PPFIA2: variants seen among roughly 807,000 people sequenced by gnomAD.
PPFIA2 encodes the protein PPFI scaffold protein A2.
A neutral mutation model predicts 175.5 loss-of-function variants in PPFIA2; 46 were observed. That is an observed-to-expected ratio of 0.26 (90% CI 0.21 to 0.34). The LOEUF (loss-of-function observed/expected upper bound fraction) is 0.34, where lower values mean the gene tolerates loss of function less well. Ranked by LOEUF, PPFIA2 falls within the 10% of genes least tolerant of loss-of-function variation. The pLI is 1.00. For synonymous variants in PPFIA2, 568 were observed against 511.4 expected (o/e 1.11, Z -1.49); for missense variants, 1,179 against 1,506.1 (o/e 0.78, Z 3.60).
At chr12:81,465,410 C>G (rs769421684) in intron 4 of PPFIA2, 12 of 152,034 alleles carry the variant, frequency 7.9e-5, no homozygotes, top group Non-Finnish European at 1.6e-4. Flanking sequence ...TTGTGCAAAT[C>G]AAAAATAGCG....
chr12:81,590,282 C>A (rs919909869), intron 4 of PPFIA2, among the ~76,000 whole-genome samples: 1 of 151,996 alleles, frequency 6.6e-6, no homozygotes, highest in Non-Finnish European at 1.5e-5. Context: ...AATTTATCTA[C>A]CATAAGAAGT....
intron 4 of PPFIA2, among the ~76,000 whole-genome samples, chr12:81,458,232 TA>T (rs2053913378): frequency 6.6e-6 from 1 of 152,196 alleles, no homozygotes; most frequent in African/African-American, 2.4e-5. Context: ...CAGCAATGTT[TA>T]TACAGAGTAC....
At chr12:81,441,566 A>C (rs1199779081) in intron 6 of PPFIA2, among the ~76,000 whole-genome samples, 3 of 152,120 alleles carry the variant, frequency 2.0e-5, no homozygotes, top group African/African-American at 7.2e-5. Context: ...AATGCTGATT[A>C]ATAACCAAAC....
chr12:81,581,998 G>A (rs1030826063), intron 4 of PPFIA2, among the ~76,000 whole-genome samples: 20 of 151,714 alleles, frequency 1.3e-4, no homozygotes, highest in African/African-American at 4.8e-4. Context: ...GCATATTAAC[G>A]TTTCAAGTTT....
intron 9 of PPFIA2, among the ~76,000 whole-genome samples, chr12:81,383,508 C>A (rs1595880047): frequency 6.6e-6 from 1 of 151,702 alleles, no homozygotes; most frequent in Non-Finnish European, 1.5e-5. Flanking sequence ...CTAAAGTACT[C>A]ATTTTTTTAA....
chr12:81,420,317 G>A (rs2143679784), intron 7 of PPFIA2, among the ~76,000 whole-genome samples: 1 of 152,226 alleles, frequency 6.6e-6, no homozygotes, highest in East Asian at 1.9e-4. Context: ...TAATTTTCTA[G>A]TAACTGACCA....
chr12:81,475,744 C>T (rs1453732253), intron 4 of PPFIA2, among the ~76,000 whole-genome samples: 1 of 152,124 alleles, frequency 6.6e-6, no homozygotes, highest in East Asian at 1.9e-4. Context: ...GACGAGTCTC[C>T]TTCTGTCGCC....
intron 4 of PPFIA2, among the ~76,000 whole-genome samples, chr12:81,471,982 G>A (rs1593510682): frequency 1.3e-5 from 2 of 152,122 alleles, no homozygotes; most frequent in Admixed American, 1.3e-4. Flanking sequence ...TATATGAAGA[G>A]TTTTTTTAAA....
chr12:81,521,704 C>A (rs1406341766), intron 4 of PPFIA2, among the ~76,000 whole-genome samples: 1 of 150,728 alleles, frequency 6.6e-6, no homozygotes, highest in African/African-American at 2.4e-5. Flanking sequence ...CCTGTAGTCC[C>A]AGCTACTCCG....
At chr12:81,636,329 G>T (rs1181589516) in intron 4 of PPFIA2, among the ~76,000 whole-genome samples, 10 of 148,242 alleles carry the variant, frequency 6.7e-5, no homozygotes, top group Non-Finnish European at 1.5e-4. Flanking sequence ...GCAGTGGCGG[G>T]ATCTCGGCTC....
At chr12:81,708,776 T>G (rs925475011) in intron 3 of PPFIA2, among the ~76,000 whole-genome samples, 1 of 152,158 alleles carries the variant, frequency 6.6e-6, no homozygotes, top group African/African-American at 2.4e-5. Flanking sequence ...ACATAATCAC[T>G]GGGCCCTTAA....
chr12:81,547,478 C>T lies in PPFIA2; in HGVS notation c.304-89612G>A, dbSNP rs139335722. 1.5e-3 allele frequency among the ~76,000 whole-genome samples: 235 copies of T among 152,056 alleles called. 1 individual carries two copies. The highest frequency in any genetic ancestry group is 5.1e-3 in the African/African-American group (213 of 41,484). On this transcript the variant is annotated intron_variant, in intron 4 of 32. Coordinates refer to ENST00000549396, the MANE Select transcript of PPFIA2 (RefSeq NM_003625.5). ...GCAACCTCTGCCTCCCTGGTTCAAG[C>T]GATTCTCCTGCCTCAGGTTCCTGAG...
intron 30 of PPFIA2, among the ~76,000 whole-genome samples, chr12:81,263,810 T>C (rs1230200244): frequency 1.3e-5 from 2 of 152,222 alleles, no homozygotes; most frequent in African/African-American, 4.8e-5. Flanking sequence ...ATGACTTCTA[T>C]GTACACAAAT....
chr12:81,481,389 T>G (rs2058199507), intron 4 of PPFIA2, among the ~76,000 whole-genome samples: 1 of 152,058 alleles, frequency 6.6e-6, no homozygotes, highest in Admixed American at 6.6e-5. Flanking sequence ...TAGAAAAAAC[T>G]ACTTTAAATT....
chr12:81,374,685 G>A lies in PPFIA2; in HGVS notation c.1215C>T (p.Thr405=). 1 of 1,613,374 alleles carries A rather than the reference G, an allele frequency of 6.2e-7. No homozygotes were observed. The highest frequency in any genetic ancestry group is 1.7e-4 in the Middle Eastern group (1 of 6,054). ...CCAGTTCAGCCTCTACTTCAGGCAA[G>A]GTTTCAGCCTTTCTCATGGTCTGCT... is the stretch of plus-strand genomic sequence containing the variant. ...KLQQTMRKAE[T]LPEVEAELAQ... is the part of the protein sequence containing the mutation. The change falls in exon 11 of 33, where the codon ACC becomes ACT. Residue 405 remains threonine, a synonymous_variant. Coordinates refer to ENST00000549396, the MANE Select transcript of PPFIA2 (RefSeq NM_003625.5).
intron 4 of PPFIA2, among the ~76,000 whole-genome samples, chr12:81,581,099 CAGAA>C (rs1262511471): frequency 6.8e-6 from 1 of 147,712 alleles, no homozygotes; most frequent in Non-Finnish European, 1.5e-5. Flanking sequence ...AAGGATGGCA[CAGAA>C]AGAAAGTGTT....
At chr12:81,349,867 GA>G (rs1221604608) in intron 17 of PPFIA2, among the ~76,000 whole-genome samples, 3 of 152,214 alleles carry the variant, frequency 2.0e-5, no homozygotes, top group Non-Finnish European at 4.4e-5. Context: ...GAGCTGTGAA[GA>G]CAGAAAACAT....
chr12:81,710,189 ATATATCTTTAGTTGCTTTACAG>A (rs2077708649), intron 3 of PPFIA2, among the ~76,000 whole-genome samples: 1 of 151,808 alleles, frequency 6.6e-6, no homozygotes, highest in Non-Finnish European at 1.5e-5. Flanking sequence ...ATCTTGGGGC[ATATATCTTTAGTTGCTTTACAG>A]TAAAATCTGT....
At chr12:81,669,436 C>A (rs750424183) in intron 4 of PPFIA2, among the ~76,000 whole-genome samples, 1 of 151,768 alleles carries the variant, frequency 6.6e-6, no homozygotes, top group Admixed American at 6.6e-5. Flanking sequence ...AACTCATATG[C>A]CAAGTATTAT....
Sources: gnomAD v4.1 joint callset for allele counts (sites outside exome capture counted in the v4.1 genomes callset) on GRCh38, gnomAD v4.1.1 for gene constraint, MANE v1.5 for transcripts, NCBI Gene and HGNC (gene_info 2026-07-23, HGNC 2026-07-21) for gene names.